The following RGS10 variants were observed in gnomAD, a reference collection of about 807,000 sequenced individuals.
The protein encoded by RGS10 is regulator of G-protein signalling 10.
RGS10 carries 11 observed loss-of-function variants against 23.5 expected under a neutral mutation model. The ratio of observed to expected loss-of-function variants is 0.47; its 90% CI spans 0.29 to 0.77. The LOEUF (loss-of-function observed/expected upper bound fraction) is 0.77. RGS10 is among the 30% of genes least tolerant of loss of function. The pLI, the probability that RGS10 is intolerant of heterozygous loss-of-function variation, is 0.08. For missense variants in RGS10, 180 were observed against 226.3 expected (o/e 0.80, Z 1.31); for synonymous variants, 77 against 83.2 (o/e 0.92, Z 0.41).
chr10:119,505,716 AAACGAGGACCTC>A (rs1554856764), intron 4 of RGS10, among the ~76,000 whole-genome samples: 1 of 152,234 alleles, frequency 6.6e-6, no homozygotes, highest in Non-Finnish European at 1.5e-5. Context: ...ATCTGTGCAG[AAACGAGGACCTC>A]AACCAGCCTT....
chr10:119,532,227 G>C (rs1185737822), intron 1 of RGS10, among the ~76,000 whole-genome samples: 1 of 152,148 alleles, frequency 6.6e-6, no homozygotes, highest in Non-Finnish European at 1.5e-5. Flanking sequence ...ACTGATATCA[G>C]TATAGACAGA....
intron 3 of RGS10, 91 bp downstream of exon 3, chr10:119,525,941 T>G: frequency 1.6e-6 from 1 of 607,320 alleles, no homozygotes; most frequent in Non-Finnish European, 2.9e-6. Context: ...AAAACTAATA[T>G]GAATCAGGTT....
At chr10:119,530,276 C>T (rs1198787007) in intron 1 of RGS10, among the ~76,000 whole-genome samples, 1 of 152,144 alleles carries the variant, frequency 6.6e-6, no homozygotes, top group Non-Finnish European at 1.5e-5. Flanking sequence ...CCTGTGATCT[C>T]TGATGTTCTA....
At chr10:119,525,884 T>C in intron 3 of RGS10, 148 bp downstream of exon 3, 1 of 429,314 alleles carries the variant, frequency 2.3e-6, no homozygotes, top group African/African-American at 2.0e-5. Context: ...AAATGATTAA[T>C]ATTTGATCAA....
chr10:119,502,080 T>A (rs1014447597), intron 4 of RGS10, among the ~76,000 whole-genome samples: 1 of 152,062 alleles, frequency 6.6e-6, no homozygotes, highest in African/African-American at 2.4e-5. Flanking sequence ...CAGTCATCTA[T>A]CTTGTAGCCA....
chr10:119,542,103 C>T (rs1217393811), intron 1 of RGS10, among the ~76,000 whole-genome samples: 1 of 152,202 alleles, frequency 6.6e-6, no homozygotes, highest in Non-Finnish European at 1.5e-5. Flanking sequence ...CACCTTTTGG[C>T]TCCTCGCGGC....
chr10:119,500,334 T>A, intron 4 of RGS10, 75 bp from the exon 5 acceptor site: 2 of 1,339,910 alleles, frequency 1.5e-6, no homozygotes, highest in Non-Finnish European at 2.0e-6. Flanking sequence ...AGATATGTAT[T>A]AATACCTACC....
At chr10:119,507,346 C>A (rs1335750600) in intron 4 of RGS10, among the ~76,000 whole-genome samples, 1 of 152,080 alleles carries the variant, frequency 6.6e-6, no homozygotes, top group Non-Finnish European at 1.5e-5. Flanking sequence ...AATAATGGGG[C>A]AAGGGAGAGA....
chr10:119,541,031 A>G (rs1844430660), intron 1 of RGS10, among the ~76,000 whole-genome samples: 3 of 152,196 alleles, frequency 2.0e-5, no homozygotes, highest in Admixed American at 2.0e-4. Context: ...CAAGCTACCT[A>G]TGGTTTACAA....
At chr10:119,537,866 C>T (rs1327632818) in intron 1 of RGS10, among the ~76,000 whole-genome samples, 3 of 152,132 alleles carry the variant, frequency 2.0e-5, no homozygotes, top group East Asian at 1.9e-4. Flanking sequence ...TGTTTCTTTA[C>T]GTGGGGCACA....
At chr10:119,541,449 T>C (rs1844433758) in intron 1 of RGS10, among the ~76,000 whole-genome samples, 1 of 152,184 alleles carries the variant, frequency 6.6e-6, no homozygotes, top group South Asian at 2.1e-4. Context: ...AATTAAGTAC[T>C]TTAAAAGGCG....
chr10:119,519,107 AGC>A, intron 3 of RGS10, among the ~76,000 whole-genome samples: 1 of 152,316 alleles, frequency 6.6e-6, no homozygotes, highest in African/African-American at 2.4e-5. Flanking sequence ...CCGCCCAGCC[AGC>A]GCTGCTCCAC....
chr10:119,508,311 T>G (rs4752319), intron 4 of RGS10, among the ~76,000 whole-genome samples: 6,693 of 152,242 alleles, frequency 0.044, 277 homozygotes, highest in East Asian at 0.21. Flanking sequence ...AAAATCTGCT[T>G]TTAAGTGTAG....
At chr10:119,532,170 T>C (rs1425561569) in intron 1 of RGS10, among the ~76,000 whole-genome samples, 1 of 152,176 alleles carries the variant, frequency 6.6e-6, no homozygotes, top group Non-Finnish European at 1.5e-5. Context: ...GTCTTTCAAG[T>C]TTAAGGCTTT....
chr10:119,531,947 G>A (rs1844332871), intron 1 of RGS10, among the ~76,000 whole-genome samples: 1 of 152,124 alleles, frequency 6.6e-6, no homozygotes, highest in Non-Finnish European at 1.5e-5. Context: ...CAGAAAGTAT[G>A]CCAAGATGGA....
At chr10:119,533,827 G>A (rs1276108862) in intron 1 of RGS10, among the ~76,000 whole-genome samples, 1 of 152,096 alleles carries the variant, frequency 6.6e-6, no homozygotes, top group Non-Finnish European at 1.5e-5. Flanking sequence ...AAAGTTTTTG[G>A]TGTTTCATTT....
intron 3 of RGS10, among the ~76,000 whole-genome samples, chr10:119,520,077 C>T (rs973677246): frequency 6.6e-6 from 1 of 152,228 alleles, no homozygotes; most frequent in Non-Finnish European, 1.5e-5. Flanking sequence ...ACCCCCATCC[C>T]GTCTGCTGGC....
intron 1 of RGS10, among the ~76,000 whole-genome samples, chr10:119,534,304 T>TA (rs370365968): frequency 0.32 from 37,602 of 117,048 alleles, 6,428 homozygotes; most frequent in Non-Finnish European, 0.42. Flanking sequence ...AATAAATAAA[T>TA]AAAAAAGGCC....
chr10:119,530,287 T>TG (rs1020301597), intron 1 of RGS10, among the ~76,000 whole-genome samples: 25 of 152,162 alleles, frequency 1.6e-4, no homozygotes, highest in Non-Finnish European at 2.6e-4. Flanking sequence ...TGATGTTCTA[T>TG]GGGGGGTCAA....
Sources: allele counts gnomAD v4.1 joint callset (sites outside exome capture counted in the v4.1 genomes callset), GRCh38; gene constraint gnomAD v4.1.1; transcripts MANE v1.5; gene names NCBI Gene and HGNC (gene_info 2026-07-23, HGNC 2026-07-21).